PSMD1: variants seen among roughly 807,000 people sequenced by gnomAD.
PSMD1 encodes proteasome 26S subunit, non-ATPase 1.
PSMD1 carries 18 observed loss-of-function variants against 119.0 expected under a neutral mutation model. That is an observed-to-expected ratio of 0.15 (90% CI 0.10 to 0.22). PSMD1 has a LOEUF of 0.22. PSMD1 is among the 10% of genes least tolerant of loss of function. PSMD1 has a pLI of 1.00. For missense variants in PSMD1, 702 were observed against 1,158.5 expected (o/e 0.61, Z 5.72); for synonymous variants, 374 against 396.6 (o/e 0.94, Z 0.68).
chr2:231,151,925 G>A (rs1696385335), intron 18 of PSMD1, among the ~76,000 whole-genome samples: 1 of 146,366 alleles, frequency 6.8e-6, no homozygotes, highest in Non-Finnish European at 1.5e-5. Flanking sequence ...CGATTCTCCT[G>A]CCTCAGCCTC....
intron 6 of PSMD1, 40 bp from the exon 7 acceptor site, chr2:231,072,149 T>G: frequency 6.5e-7 from 1 of 1,528,326 alleles, no homozygotes. Context: ...GTAGATGAAG[T>G]TTTTAATTAT....
intron 16 of PSMD1, among the ~76,000 whole-genome samples, chr2:231,089,197 A>C (rs1694526172): frequency 6.6e-6 from 1 of 152,238 alleles, no homozygotes. Context: ...CATAACATGG[A>C]GGTGCAAGGA....
chr2:231,123,504 A>G (rs757363017), intron 16 of PSMD1: 5 of 1,614,088 alleles, frequency 3.1e-6, no homozygotes, highest in South Asian at 1.1e-5. Flanking sequence ...AATTAGTAGC[A>G]TACTGCAGCT....
chr2:231,081,499 A>G lies in PSMD1; in HGVS notation c.1413+1185A>G, dbSNP rs140398113. Among the ~76,000 whole-genome samples, 814 of 152,370 alleles carry G rather than the reference A, an allele frequency of 5.3e-3. 2 individuals are homozygous for G. Among genetic ancestry groups the G allele is most frequent in the Non-Finnish European group, 8.7e-3 (591 of 68,024 alleles). On this transcript the variant is annotated intron_variant, in intron 12 of 24. Coordinates refer to ENST00000308696, the MANE Select transcript of PSMD1 (RefSeq NM_002807.4). The stretch of plus-strand genomic sequence containing the variant: ...CAGGAACTAATGAAATAGCCTTTTC[A>G]GGACCCTACCTTCAGGATGAATGAA...
At chr2:231,171,549 ATT>A (rs568576394) in intron 24 of PSMD1, among the ~76,000 whole-genome samples, 324 of 117,244 alleles carry the variant, frequency 2.8e-3, no homozygotes, top group African/African-American at 7.6e-3. Flanking sequence ...TTTTCAGACA[ATT>A]TTTTTTTTTT....
intron 7 of PSMD1, 32 bp downstream of exon 7, chr2:231,072,447 T>C (rs760451190): frequency 4.6e-6 from 7 of 1,508,442 alleles, no homozygotes; most frequent in Non-Finnish European, 6.4e-6. Flanking sequence ...TCAAAACTAA[T>C]TGAATAATCT....
At position 231,153,794 on chromosome 2, in the gene PSMD1, C is replaced by T. The variant is rs150861306; in HGVS notation, c.2218+128C>T. ...AATTATTCCTGGAGAAAATTTGGAG[C>T]CTGCAGTTCACAGAGATCATGTACA... On this transcript the variant is annotated intron_variant, in intron 19 of 24. Transcript: ENST00000308696. 2.5e-3 allele frequency: 1,670 copies of T among 658,534 alleles called. 26 individuals carry two copies. The African/African-American group carries it at 0.027, about 11-fold the overall frequency. The allele number at this position is 658,534 out of a possible 1,614,324, so 40.8% of individuals were successfully genotyped here. A position where few individuals can be genotyped will look rare whatever the true frequency, so the allele number is the denominator to read the frequency against.
At position 231,128,955 on chromosome 2, in the gene PSMD1, A is replaced by C. The variant is rs1482441940; in HGVS notation, c.1884-9781A>C. Among the ~76,000 whole-genome samples, 15 of 152,218 alleles carry C rather than the reference A, an allele frequency of 9.9e-5. 1 individual carries two copies. The highest frequency in any genetic ancestry group is 9.8e-4 in the Admixed American group (15 of 15,282). On this transcript the variant is annotated intron_variant, in intron 16 of 24. Coordinates refer to ENST00000308696, the MANE Select transcript of PSMD1 (RefSeq NM_002807.4). ...TTTTTTTTTGTCATCGAAACTCTAG[A>C]GTACAACCTGATGTCATAAAATGGT...
intron 16 of PSMD1, among the ~76,000 whole-genome samples, chr2:231,091,114 G>A (rs1366689554): frequency 6.6e-6 from 1 of 152,176 alleles, no homozygotes; most frequent in Non-Finnish European, 1.5e-5. Flanking sequence ...AAGAGAGTTA[G>A]CCGCCTCTAT....
At chr2:231,146,493 A>C in intron 18 of PSMD1, 137 bp downstream of exon 18, 2 of 632,352 alleles carry the variant, frequency 3.2e-6, no homozygotes. Flanking sequence ...AGCATTTTAG[A>C]GTATAAGAGA....
intron 16 of PSMD1, chr2:231,123,877 C>T (rs1695644976): frequency 2.4e-6 from 2 of 823,694 alleles, no homozygotes; most frequent in Non-Finnish European, 4.2e-6. Context: ...ACTCAAAAGC[C>T]AAAGTTGACA....
chr2:231,101,016 G>T (rs1001020641), intron 16 of PSMD1, among the ~76,000 whole-genome samples: 3 of 152,228 alleles, frequency 2.0e-5, no homozygotes, highest in African/African-American at 4.8e-5. Flanking sequence ...CTCAGACATG[G>T]ATATCCAGTG....
In PSMD1 at chr2:231,121,097, T is replaced by G. The variant is rs929778488; in HGVS notation, c.1884-17639T>G. Among the ~76,000 whole-genome samples the G allele has an allele frequency of 2.0e-5, 3 of 152,246 alleles. No individual in the cohort carries two copies. The East Asian group carries it at 5.8e-4, about 29-fold the overall frequency. Reference sequence around the variant, plus strand: ...TTTTCATAGAAATTGAATTATGCTTTAAATAATGCAATAATGTATTAGATA... The same window carrying G: ...TTTTCATAGAAATTGAATTATGCTTGAAATAATGCAATAATGTATTAGATA... On this transcript the variant is annotated intron_variant, in intron 16 of 24. Transcript: ENST00000308696.
intron 17 of PSMD1, among the ~76,000 whole-genome samples, chr2:231,143,229 GTT>G (rs1696170624): frequency 1.4e-5 from 2 of 141,942 alleles, no homozygotes; most frequent in African/African-American, 5.1e-5. Context: ...GTTTGGTTTG[GTT>G]TGGTTTGGTT....
chr2:231,081,144 T>TAAAAA (rs368987456), intron 12 of PSMD1, among the ~76,000 whole-genome samples: 5,790 of 73,654 alleles, frequency 0.079, 205 homozygotes, highest in South Asian at 0.13. Flanking sequence ...AAACTCTGTC[T>TAAAAA]AAAAAAAAAA....
intron 16 of PSMD1, among the ~76,000 whole-genome samples, chr2:231,124,459 A>G (rs949713858): frequency 3.9e-5 from 6 of 152,234 alleles, no homozygotes; most frequent in South Asian, 2.1e-4. Context: ...GAAACACTCA[A>G]AGCCCAACAA....
intron 16 of PSMD1, among the ~76,000 whole-genome samples, chr2:231,101,044 G>T (rs576835642): frequency 6.6e-6 from 1 of 152,210 alleles, no homozygotes; most frequent in African/African-American, 2.4e-5. Context: ...AGGCTAGGGG[G>T]TTGCCGGCAC....
In PSMD1 at chr2:231,172,530, C is replaced by G. The variant is rs1414506217; in HGVS notation, c.*10-5C>G. 6.6e-6 allele frequency: 1 copy of G among 152,200 alleles called. No homozygotes were observed. The highest frequency in any genetic ancestry group is 1.5e-5 in the Non-Finnish European group (1 of 68,032). 9.4% of individuals were successfully genotyped at this position (152,200 alleles called of 1,614,324 possible). A position where few individuals can be genotyped will look rare whatever the true frequency, so the allele number is the denominator to read the frequency against. On this transcript the variant is annotated splice_region_variant and splice_polypyrimidine_tract_variant and intron_variant, in intron 24 of 24. Transcript: ENST00000308696. ...GCTACTACTGTTCTTTCTTCCCTTTCCCAGGATCTCACTTGCTTATCTGAA... is the reference window on the plus strand; with the variant it reads ...GCTACTACTGTTCTTTCTTCCCTTTGCCAGGATCTCACTTGCTTATCTGAA...
intron 16 of PSMD1, among the ~76,000 whole-genome samples, chr2:231,113,328 T>C (rs547171056): frequency 3.9e-5 from 6 of 151,994 alleles, no homozygotes; most frequent in African/African-American, 1.5e-4. Context: ...CTCTTATTAA[T>C]CTTTTAAAAT....
Sources: gnomAD v4.1 joint callset for allele counts (sites outside exome capture counted in the v4.1 genomes callset) on GRCh38, gnomAD v4.1.1 for gene constraint, MANE v1.5 for transcripts, NCBI Gene and HGNC (gene_info 2026-07-23, HGNC 2026-07-21) for gene names.